Variants in WNK3 observed in about 807,000 individuals in gnomAD.
The protein encoded by WNK3 is serine/threonine-protein kinase WNK3.
WNK3 carries 18 observed loss-of-function variants against 116.7 expected under a neutral mutation model. That is an observed-to-expected ratio of 0.15 (90% CI 0.11 to 0.23). The LOEUF is 0.23. Among genes scored for constraint, WNK3 ranks in the 10% least tolerant of loss-of-function variants. The pLI is 1.00. For missense variants in WNK3, 993 were observed against 1,323.8 expected (o/e 0.75, Z 3.88); for synonymous variants, 404 against 469.4 (o/e 0.86, Z 1.80).
intron 10 of WNK3, among the ~76,000 whole-genome samples, chrX:54,264,312 GAC>G: frequency 9.3e-6 from 1 of 107,752 alleles, no homozygotes; most frequent in South Asian, 4.2e-4. Flanking sequence ...CAGCCTGGGT[GAC>G]AGAGTGAGAC....
At chrX:54,222,911 TAA>T (rs60426731) in intron 22 of WNK3, among the ~76,000 whole-genome samples, 25 of 76,900 alleles carry the variant, frequency 3.3e-4, no homozygotes, top group African/African-American at 1.3e-3. Context: ...ATAATAATAA[TAA>T]TAATATATAT....
chrX:54,310,356 C>A (rs1170179495), intron 3 of WNK3, among the ~76,000 whole-genome samples: 1 of 108,781 alleles, frequency 9.2e-6, no homozygotes, highest in Non-Finnish European at 1.9e-5. Context: ...GCCTGGGCAA[C>A]ACGGCGAAAC....
At chrX:54,236,870 C>T in intron 20 of WNK3, 68 bp downstream of exon 20, 3 of 1,078,332 alleles carry the variant, frequency 2.8e-6, no homozygotes, top group Non-Finnish European at 3.7e-6. Flanking sequence ...AATTAGTTAC[C>T]AATCCAATAC....
At chrX:54,339,956 C>T (rs1253768944) in intron 1 of WNK3, among the ~76,000 whole-genome samples, 2 of 110,967 alleles carry the variant, frequency 1.8e-5, no homozygotes, top group Non-Finnish European at 3.8e-5. Flanking sequence ...TTGAGACCAG[C>T]CTAGCCAACA....
At chrX:54,236,167 G>A (rs1166835008) in intron 20 of WNK3, among the ~76,000 whole-genome samples, 3 of 111,020 alleles carry the variant, frequency 2.7e-5, no homozygotes, top group African/African-American at 9.8e-5. Flanking sequence ...GAGTGCAGTG[G>A]CGCACGATCT....
At chrX:54,302,332 C>G (rs1276406062) in intron 5 of WNK3, among the ~76,000 whole-genome samples, 1 of 111,567 alleles carries the variant, frequency 9.0e-6, no homozygotes, top group Non-Finnish European at 1.9e-5. Flanking sequence ...GAGTCTCGCT[C>G]TGTCGCCCAG....
chrX:54,326,315 C>A (rs1436727982), intron 2 of WNK3, among the ~76,000 whole-genome samples: 1 of 111,163 alleles, frequency 9.0e-6, no homozygotes, highest in Non-Finnish European at 1.9e-5. Context: ...TGGTCTCAAT[C>A]TCCTGACCTC....
At chrX:54,319,125 C>T (rs376294277) in intron 2 of WNK3, among the ~76,000 whole-genome samples, 19 of 109,693 alleles carry the variant, frequency 1.7e-4, no homozygotes, top group East Asian at 1.2e-3. Context: ...GCTAGAAGTC[C>T]TCTACTCATG....
intron 21 of WNK3, among the ~76,000 whole-genome samples, chrX:54,230,703 A>G (rs1486470142): frequency 8.9e-6 from 1 of 112,563 alleles, no homozygotes; most frequent in Non-Finnish European, 1.9e-5. Context: ...TGTTCACCCA[A>G]AAAGCTGTAT....
chrX:54,320,553 C>T (rs1487081572), intron 2 of WNK3, among the ~76,000 whole-genome samples: 1 of 112,029 alleles, frequency 8.9e-6, no homozygotes, highest in African/African-American at 3.2e-5. Flanking sequence ...CAGGGTCTCA[C>T]TCTGTGTTGC....
At chrX:54,305,907 T>C (rs1683584557) in intron 5 of WNK3, among the ~76,000 whole-genome samples, 1 of 109,780 alleles carries the variant, frequency 9.1e-6, no homozygotes, top group Admixed American at 9.9e-5. Flanking sequence ...TACAAAAAAT[T>C]AGCCGGGCAT....
chrX:54,232,113 G>GTGTA (rs1353154268), intron 21 of WNK3, among the ~76,000 whole-genome samples: 58 of 95,088 alleles, frequency 6.1e-4, no homozygotes, highest in African/African-American at 8.0e-4. Context: ...GTGTGTGTGT[G>GTGTA]TATATATATA....
intron 10 of WNK3, among the ~76,000 whole-genome samples, chrX:54,280,222 G>A (rs1216405619): frequency 1.8e-5 from 2 of 109,915 alleles, no homozygotes; most frequent in African/African-American, 3.3e-5. Flanking sequence ...GCTTGAACCC[G>A]GGGAGCGGAG....
chrX:54,321,462 A>G (rs782093768), intron 2 of WNK3, among the ~76,000 whole-genome samples: 1 of 111,349 alleles, frequency 9.0e-6, no homozygotes, highest in African/African-American at 3.3e-5. Context: ...ATGAGTGCAG[A>G]TATCTCATTC....
chrX:54,222,911 TAATAA>T lies in WNK3; in HGVS notation c.4870+5798_4870+5802del, dbSNP rs1264985067. The stretch of plus-strand genomic sequence containing the variant: ...AAGTATAGTATAATAATAATAATAA[TAATAA>T]TATATATATATATATATATATATAA... On this transcript the variant is annotated intron_variant, in intron 22 of 23. Coordinates refer to ENST00000354646, the Ensembl canonical transcript of WNK3. 4.2e-3 allele frequency among the ~76,000 whole-genome samples: 320 copies of T among 76,889 alleles called. 2 individuals carry two copies. Among genetic ancestry groups the T allele is most frequent in the African/African-American group, 0.017 (302 of 17,470 alleles). The allele number at this position is 76,889 out of a possible 115,157, so 66.8% of individuals were successfully genotyped here. A position where few individuals can be genotyped will look rare whatever the true frequency, so the allele number is the denominator to read the frequency against.
rs183785167 is a variant in WNK3, at chrX:54,355,479, T to G, written c.-120+2207A>C. ...CTAAAGAGGGGGACCTAACCTAGCT[T>G]GGTGGAGGATGCTGGGAAAAGGAAG... On this transcript the variant is annotated intron_variant, in intron 1 of 23. Coordinates refer to ENST00000354646, the Ensembl canonical transcript of WNK3. Among the ~76,000 whole-genome samples, 35 of 110,685 alleles carry G rather than the reference T, an allele frequency of 3.2e-4. 1 individual carries two copies. The highest frequency in any genetic ancestry group is 3.0e-3 in the Admixed American group (31 of 10,203).
In WNK3 at chrX:54,212,731, T is replaced by G. The variant is rs183971541; in HGVS notation, c.4871-10538A>C. 1.6e-3 allele frequency among the ~76,000 whole-genome samples: 184 copies of G among 112,118 alleles called. 1 individual carries two copies. Among genetic ancestry groups the G allele is most frequent in the African/African-American group, 5.8e-3 (178 of 30,901 alleles). On this transcript the variant is annotated intron_variant, in intron 22 of 23. Coordinates refer to ENST00000354646, the Ensembl canonical transcript of WNK3. Reference sequence around the variant, plus strand: ...TGGTGGGAGCCAGGTTTCTCACTTCTGGAGTGGGAGGTTACAGATAAGCAA... The same window carrying G: ...TGGTGGGAGCCAGGTTTCTCACTTCGGGAGTGGGAGGTTACAGATAAGCAA...
At chrX:54,353,718 G>A (rs782029903) in intron 1 of WNK3, among the ~76,000 whole-genome samples, 1 of 108,223 alleles carries the variant, frequency 9.2e-6, no homozygotes, top group South Asian at 4.1e-4. Context: ...TTGCACTCCA[G>A]CCTGGGTGAC....
intron 2 of WNK3, among the ~76,000 whole-genome samples, chrX:54,325,077 G>A (rs186861737): frequency 2.0e-4 from 22 of 111,773 alleles, no homozygotes; most frequent in African/African-American, 6.8e-4. Flanking sequence ...CCACTGCATT[G>A]CTTTGAGTAT....
Sources: allele counts gnomAD v4.1 joint callset (sites outside exome capture counted in the v4.1 genomes callset), GRCh38; gene constraint gnomAD v4.1.1; transcripts MANE v1.5; gene names NCBI Gene and HGNC (gene_info 2026-07-23, HGNC 2026-07-21).